The following EYS variants were observed in gnomAD, a reference collection of about 807,000 sequenced individuals.
The protein encoded by EYS is EGF-like photoreceptor maintenance factor.
Under a neutral mutation model 282.1 loss-of-function variants are expected in EYS, and 250 were observed. The ratio of observed to expected loss-of-function variants is 0.89; its 90% confidence interval spans 0.80 to 0.98. The LOEUF is 0.98. Among genes scored for constraint, EYS ranks in the 50% least tolerant of loss-of-function variants. EYS has a pLI of 0.00. For synonymous variants in EYS, 1,355 were observed against 1,282.9 expected (o/e 1.06, Z -1.20); for missense variants, 4,016 against 3,709.0 (o/e 1.08, Z -2.15).
intron 22 of EYS, among the ~76,000 whole-genome samples, chr6:64,712,243 T>C (rs746552120): frequency 2.0e-5 from 3 of 152,224 alleles, no homozygotes; most frequent in Non-Finnish European, 2.9e-5. Context: ...AGAAATATCC[T>C]TAACATTCTC....
chr6:64,506,648 C>T (rs981673277), intron 26 of EYS, among the ~76,000 whole-genome samples: 1 of 152,084 alleles, frequency 6.6e-6, no homozygotes, highest in African/African-American at 2.4e-5. Flanking sequence ...CATGGTGGCC[C>T]ACGCATGCAA....
intron 12 of EYS, among the ~76,000 whole-genome samples, chr6:65,276,099 C>G (rs1768040256): frequency 6.6e-6 from 1 of 152,102 alleles, no homozygotes; most frequent in Non-Finnish European, 1.5e-5. Flanking sequence ...TCCCACTATT[C>G]TGAGATGACT....
At chr6:64,678,919 A>T (rs995257236) in intron 22 of EYS, among the ~76,000 whole-genome samples, 4 of 151,128 alleles carry the variant, frequency 2.6e-5, no homozygotes, top group African/African-American at 9.7e-5. Flanking sequence ...CCTGGGAGGC[A>T]GAGGTTGCAA....
At chr6:64,221,078 T>A (rs983821935) in intron 31 of EYS, among the ~76,000 whole-genome samples, 1 of 152,138 alleles carries the variant, frequency 6.6e-6, no homozygotes, top group African/African-American at 2.4e-5. Flanking sequence ...AGAATTGGTG[T>A]GTGGAATGAA....
chr6:64,252,066 G>T (rs1307906569), intron 30 of EYS, among the ~76,000 whole-genome samples: 5 of 152,128 alleles, frequency 3.3e-5, no homozygotes, highest in Non-Finnish European at 5.9e-5. Flanking sequence ...TATAAATTAT[G>T]ATGGAATTGT....
intron 2 of EYS, among the ~76,000 whole-genome samples, chr6:65,608,615 A>C (rs2149793741): frequency 6.6e-6 from 1 of 152,154 alleles, no homozygotes; most frequent in South Asian, 2.1e-4. Context: ...TTACTCTTTG[A>C]CTTTTCTGTA....
chr6:65,078,375 A>G (rs891267781), intron 12 of EYS, among the ~76,000 whole-genome samples: 1 of 152,114 alleles, frequency 6.6e-6, no homozygotes, highest in Non-Finnish European at 1.5e-5. Context: ...CTGCAGTTCA[A>G]TTGTCAATTG....
chr6:64,454,038 G>C (rs529040940), intron 26 of EYS, among the ~76,000 whole-genome samples: 13 of 151,992 alleles, frequency 8.6e-5, no homozygotes, highest in African/African-American at 3.1e-4. Flanking sequence ...TTACCAGTTG[G>C]CTATGACAAA....
intron 22 of EYS, among the ~76,000 whole-genome samples, chr6:64,732,335 C>A (rs966232183): frequency 2.6e-4 from 39 of 152,076 alleles, no homozygotes; most frequent in Middle Eastern, 3.4e-3. Flanking sequence ...GTTATTACCT[C>A]CTGGACTGGA....
chr6:64,965,861 T>C (rs561243869), intron 14 of EYS, among the ~76,000 whole-genome samples: 1 of 152,292 alleles, frequency 6.6e-6, no homozygotes, highest in Middle Eastern at 3.4e-3. Context: ...AATCAGTTTA[T>C]GGCTTGAAAT....
intron 31 of EYS, among the ~76,000 whole-genome samples, chr6:64,155,435 A>C (rs1333421252): frequency 6.6e-6 from 1 of 152,008 alleles, no homozygotes; most frequent in Non-Finnish European, 1.5e-5. Context: ...TGATTTGTGA[A>C]ATAGGTGCCT....
At chr6:63,939,613 A>C (rs774466462) in intron 35 of EYS, among the ~76,000 whole-genome samples, 3 of 152,198 alleles carry the variant, frequency 2.0e-5, no homozygotes, top group Non-Finnish European at 4.4e-5. Flanking sequence ...GGGTTCACTT[A>C]TATATGGATT....
At chr6:64,659,607 C>T (rs1768913694) in intron 22 of EYS, among the ~76,000 whole-genome samples, 4 of 152,104 alleles carry the variant, frequency 2.6e-5, no homozygotes, top group Admixed American at 2.6e-4. Context: ...ACTATAAACA[C>T]CTCTAAGCAA....
At chr6:65,031,816 G>A (rs1017948269) in intron 13 of EYS, among the ~76,000 whole-genome samples, 3 of 151,514 alleles carry the variant, frequency 2.0e-5, no homozygotes, top group South Asian at 4.2e-4. Flanking sequence ...ATCACACTCA[G>A]AGGGACCAGA....
chr6:65,358,520 T>C (rs1230440146), intron 8 of EYS, among the ~76,000 whole-genome samples: 1 of 151,574 alleles, frequency 6.6e-6, no homozygotes, highest in Non-Finnish European at 1.5e-5. Context: ...ATTTCTGAAA[T>C]TAAGGAGGAT....
intron 4 of EYS, among the ~76,000 whole-genome samples, chr6:65,492,655 C>T (rs1766092003): frequency 6.6e-6 from 1 of 152,104 alleles, no homozygotes; most frequent in Non-Finnish European, 1.5e-5. Context: ...TTCCTCTAGT[C>T]TGCCTTAACT....
intron 13 of EYS, among the ~76,000 whole-genome samples, chr6:65,055,174 G>A (rs1773377497): frequency 6.6e-6 from 1 of 151,830 alleles, no homozygotes. Context: ...TTAGAGACAG[G>A]GATTTGCTAT....
In EYS at chr6:64,207,322, A is replaced by G. The variant is rs144213448; in HGVS notation, c.6424+23270T>C. 1.9e-3 allele frequency among the ~76,000 whole-genome samples: 282 copies of G among 152,130 alleles called. 1 individual carries two copies. Among genetic ancestry groups the G allele is most frequent in the African/African-American group, 6.1e-3 (253 of 41,508 alleles). ...GGATAACGTAACACAAAGGCCCTCA[A>G]CAGACATGGTCCCTCAATCTTGGCC... On this transcript the variant is annotated intron_variant, in intron 31 of 42. Transcript: ENST00000503581.
chr6:65,021,575 C>G (rs1231819902), intron 13 of EYS, among the ~76,000 whole-genome samples: 2 of 152,178 alleles, frequency 1.3e-5, no homozygotes, highest in African/African-American at 4.8e-5. Context: ...CCACATTTTT[C>G]TGTCTTTTTC....
Sources: allele counts gnomAD v4.1 joint callset (sites outside exome capture counted in the v4.1 genomes callset), GRCh38; gene constraint gnomAD v4.1.1; transcripts MANE v1.5; gene names NCBI Gene and HGNC (gene_info 2026-07-23, HGNC 2026-07-21).